Variants in NRXN1 observed in about 807,000 individuals in gnomAD.
The protein encoded by NRXN1 is neurexin 1.
NRXN1 carries 39 observed loss-of-function variants against 150.9 expected under a neutral mutation model. The observed-to-expected ratio is 0.26, with a 90% CI of 0.20 to 0.34. The LOEUF (loss-of-function observed/expected upper bound fraction) is 0.34, where lower values mean the gene tolerates loss of function less well. Ranked by LOEUF, NRXN1 falls within the 10% of genes least tolerant of loss-of-function variation. NRXN1 has a pLI of 1.00. For synonymous variants in NRXN1, 924 were observed against 757.0 expected, an observed-to-expected ratio of 1.22 and a Z score of -3.62; for missense variants, 1,815 against 1,949.9, an observed-to-expected ratio of 0.93 and a Z score of 1.30.
intron 15 of NRXN1, among the ~76,000 whole-genome samples, chr2:50,478,981 G>A (rs1029371581): frequency 6.6e-6 from 1 of 152,012 alleles, no homozygotes; most frequent in South Asian, 2.1e-4. Context: ...CTGTTACCTG[G>A]TGTCACTGTC....
intron 17 of NRXN1, among the ~76,000 whole-genome samples, chr2:50,415,504 C>T (rs531249391): frequency 3.3e-5 from 5 of 152,270 alleles, no homozygotes; most frequent in South Asian, 4.1e-4. Flanking sequence ...TTCTAGCACA[C>T]GCTGCATAGA....
At chr2:49,982,014 C>T (rs898888216) in intron 21 of NRXN1, among the ~76,000 whole-genome samples, 2 of 152,034 alleles carry the variant, frequency 1.3e-5, no homozygotes, top group Non-Finnish European at 1.5e-5. Flanking sequence ...GTGATCCTGA[C>T]GTAGGTTGTT....
intron 5 of NRXN1, among the ~76,000 whole-genome samples, chr2:50,815,820 G>T (rs1183215055): frequency 6.6e-6 from 1 of 152,102 alleles, no homozygotes; most frequent in Admixed American, 6.6e-5. Context: ...CATAGTCATA[G>T]AATTTTCTAT....
At chr2:50,064,046 G>C (rs1694969800) in intron 19 of NRXN1, among the ~76,000 whole-genome samples, 1 of 152,100 alleles carries the variant, frequency 6.6e-6, no homozygotes, top group African/African-American at 2.4e-5. Context: ...TGGATTGTGA[G>C]AGGAATAGAA....
chr2:50,750,796 C>T (rs1700510980), intron 5 of NRXN1, among the ~76,000 whole-genome samples: 1 of 152,060 alleles, frequency 6.6e-6, no homozygotes. Context: ...TATGTTTCAC[C>T]TTTGTAGTTT....
rs182497402 is a variant in NRXN1, at chr2:50,693,350, G to T, written c.833-69735C>A. On this transcript the variant is annotated intron_variant, in intron 5 of 22. Transcript: ENST00000401669. The stretch of plus-strand genomic sequence containing the variant: ...AAGATTGGAGACTGGTGTGGTAAAG[G>T]CCAGCTCCACTTGACAGTAAGAGTC... Among the ~76,000 whole-genome samples the T allele has an allele frequency of 7.3e-4, 111 of 152,248 alleles. 1 individual carries two copies. The highest frequency in any genetic ancestry group is 3.4e-3 in the Middle Eastern group (1 of 294).
At chr2:50,819,576 C>T (rs900311477) in intron 5 of NRXN1, among the ~76,000 whole-genome samples, 9 of 151,800 alleles carry the variant, frequency 5.9e-5, no homozygotes, top group South Asian at 2.1e-4. Context: ...GTTTCAGTCA[C>T]GCAAGGTGAA....
At chr2:50,075,277 T>C (rs1174614668) in intron 19 of NRXN1, among the ~76,000 whole-genome samples, 2 of 152,120 alleles carry the variant, frequency 1.3e-5, no homozygotes, top group African/African-American at 4.8e-5. Context: ...GGCAGGAAAA[T>C]ATATGATGAA....
intron 5 of NRXN1, among the ~76,000 whole-genome samples, chr2:50,637,988 T>C (rs950315878): frequency 1.3e-5 from 2 of 152,168 alleles, no homozygotes; most frequent in African/African-American, 4.8e-5. Context: ...TTCAGCTGAA[T>C]TGTGACAAGC....
intron 17 of NRXN1, among the ~76,000 whole-genome samples, chr2:50,304,301 G>A (rs11125298): frequency 0.52 from 78,742 of 151,848 alleles, 21,002 homozygotes; most frequent in Non-Finnish European, 0.57. Flanking sequence ...AGGACAATGC[G>A]GTCTTATTAA....
intron 2 of NRXN1, among the ~76,000 whole-genome samples, chr2:50,963,705 T>C (rs918803468): frequency 3.3e-5 from 5 of 151,638 alleles, no homozygotes; most frequent in Admixed American, 2.0e-4. Context: ...ATATATAAAA[T>C]AGCAGAGTGA....
At chr2:50,971,671 CCATT>C (rs985212109) in intron 2 of NRXN1, among the ~76,000 whole-genome samples, 5 of 151,894 alleles carry the variant, frequency 3.3e-5, no homozygotes, top group African/African-American at 4.8e-5. Context: ...GAAAAACACT[CCATT>C]CATCCTCTTT....
intron 21 of NRXN1, among the ~76,000 whole-genome samples, chr2:50,024,986 A>C (rs1688075139): frequency 6.6e-6 from 1 of 152,304 alleles, no homozygotes; most frequent in African/African-American, 2.4e-5. Flanking sequence ...TGAGATTCAC[A>C]GTAGTTTTCA....
At chr2:50,618,675 C>T (rs1435177731) in intron 8 of NRXN1, among the ~76,000 whole-genome samples, 1 of 151,630 alleles carries the variant, frequency 6.6e-6, no homozygotes, top group Non-Finnish European at 1.5e-5. Flanking sequence ...CTGAAACATG[C>T]AGATAATAAA....
chr2:50,064,010 T>C (rs900524405), intron 19 of NRXN1, among the ~76,000 whole-genome samples: 10 of 152,294 alleles, frequency 6.6e-5, no homozygotes, highest in South Asian at 6.2e-4. Context: ...CACTTACATA[T>C]ATGTATATAT....
intron 18 of NRXN1, among the ~76,000 whole-genome samples, chr2:50,217,485 G>T (rs1035161360): frequency 2.6e-5 from 4 of 151,856 alleles, no homozygotes; most frequent in African/African-American, 9.7e-5. Flanking sequence ...TTATCTGGCT[G>T]GATCTATAAT....
intron 5 of NRXN1, among the ~76,000 whole-genome samples, chr2:50,920,674 T>A (rs1432699196): frequency 6.6e-6 from 1 of 151,660 alleles, no homozygotes; most frequent in Non-Finnish European, 1.5e-5. Context: ...GTAAAAATGT[T>A]TAGAAAGCAC....
chr2:50,167,327 T>C (rs2059748547), intron 18 of NRXN1, among the ~76,000 whole-genome samples: 1 of 152,282 alleles, frequency 6.6e-6, no homozygotes, highest in South Asian at 2.1e-4. Context: ...AGGAATTTAA[T>C]TATCCTTCGT....
At chr2:50,885,818 T>A (rs890294489) in intron 5 of NRXN1, among the ~76,000 whole-genome samples, 1 of 83,938 alleles carries the variant, frequency 1.2e-5, no homozygotes, top group African/African-American at 3.7e-5. Flanking sequence ...AATATTTCTA[T>A]AAACACACAC....
Sources: allele counts gnomAD v4.1 joint callset (sites outside exome capture counted in the v4.1 genomes callset), GRCh38; gene constraint gnomAD v4.1.1; transcripts MANE v1.5; gene names NCBI Gene and HGNC (gene_info 2026-07-23, HGNC 2026-07-21).